Variants in N4BP1 observed in about 807,000 individuals in gnomAD.
N4BP1 encodes the protein NEDD4-binding protein 1.
N4BP1 carries 21 observed loss-of-function variants against 70.9 expected under a neutral mutation model. That is an observed-to-expected ratio of 0.30 (90% confidence interval 0.21 to 0.43). The LOEUF is 0.43. N4BP1 is among the 20% of genes least tolerant of loss of function. The pLI is 1.00. For synonymous variants in N4BP1, 387 were observed against 394.6 expected (o/e 0.98, Z 0.23); for missense variants, 936 against 1,069.4 (o/e 0.88, Z 1.74).
At position 48,553,557 on chromosome 16, in the gene N4BP1, G is replaced by T; in HGVS notation, c.2002C>A (p.Arg668Ser). 6.3e-7 allele frequency: 1 copy of T among 1,578,464 alleles called. No homozygotes were observed. Among genetic ancestry groups the T allele is most frequent in the Non-Finnish European group, 8.6e-7 (1 of 1,164,672 alleles). ...GCCTCACCTGTGACATTAGGATCAC[G>T]CCTTGTTCTCCACTGAGGGACAAAT... The part of the protein sequence containing the change: ...TVFVPQWRTR[R>S]DPNVTEQHFL... Residue 668 changes from arginine to serine, a missense_variant, in exon 3 of 7, where the codon CGT (arginine) becomes AGT (serine). Coordinates refer to ENST00000262384, the MANE Select transcript of N4BP1 (RefSeq NM_153029.4).
chr16:48,600,593 T>G (rs953143119), intron 1 of N4BP1: 1 of 560,234 alleles, frequency 1.8e-6, no homozygotes, highest in Admixed American at 2.0e-5. Flanking sequence ...AGGGAAGCAG[T>G]TGGAAGAGAA....
rs759102343 is a variant in N4BP1 at position 48,609,758 on chromosome 16, G to T, written c.198+17C>A. On this transcript the variant is annotated intron_variant, in intron 1 of 6. Transcript: ENST00000262384. ...CGATCGAGGCCGCGGGCGCGCGGGG[G>T]CGGCGGCCGGACTCACCTTGGCGCT... 5 of 1,335,940 alleles carry T rather than the reference G, an allele frequency of 3.7e-6. No homozygotes were observed. In the African/African-American group the frequency reaches 7.7e-5, roughly 21 times the overall value. The allele number at this position is 1,335,940 out of a possible 1,614,324, so 82.8% of individuals were successfully genotyped here.
At position 48,560,910 on chromosome 16, in the gene N4BP1, C is replaced by T. The variant is rs976808760; in HGVS notation, c.1733G>A (p.Arg578Lys). The change falls in exon 2 of 7, where the codon AGG (arginine) becomes AAG (lysine). Residue 578 changes from arginine (R) to lysine (K), a missense_variant. This residue lies in a region of N4BP1 where 515 missense variants were observed against 491.7 expected (regional missense o/e 1.05). Coordinates refer to ENST00000262384, the MANE Select transcript of N4BP1 (RefSeq NM_153029.4). ...PQLLPSVTDA[R>K]SAGPSDHIDS... Reference sequence around the variant, plus strand: ...AATATGATCAGAAGGTCCTGCCGACCTTGCATCAGTAACCGAAGGTAACAG... The same window carrying T: ...AATATGATCAGAAGGTCCTGCCGACTTTGCATCAGTAACCGAAGGTAACAG... 4 of 1,613,842 alleles carry T rather than the reference C, an allele frequency of 2.5e-6. No homozygotes were observed. The African/African-American group carries it at 5.3e-5, about 22-fold the overall frequency.
At chr16:48,574,361 C>G (rs1298387622) in intron 1 of N4BP1, among the ~76,000 whole-genome samples, 1 of 152,156 alleles carries the variant, frequency 6.6e-6, no homozygotes, top group African/African-American at 2.4e-5. Flanking sequence ...TAAGGAATGT[C>G]AGCAGTTATG....
chr16:48,600,603 A>C (rs1158428234), intron 1 of N4BP1: 1 of 556,522 alleles, frequency 1.8e-6, no homozygotes, highest in African/African-American at 1.9e-5. Context: ...TTGGAAGAGA[A>C]AACAGTACAG....
At chr16:48,571,593 T>C (rs1243065082) in intron 1 of N4BP1, among the ~76,000 whole-genome samples, 2 of 150,752 alleles carry the variant, frequency 1.3e-5, no homozygotes, top group Admixed American at 1.3e-4. Flanking sequence ...AAGATGAGAC[T>C]GAACCCACAG....
intron 1 of N4BP1, among the ~76,000 whole-genome samples, chr16:48,594,630 A>G (rs1964384768): frequency 6.6e-6 from 1 of 152,184 alleles, no homozygotes; most frequent in African/African-American, 2.4e-5. Flanking sequence ...TGCTGGGATT[A>G]TAGGTGTGAG....
At chr16:48,556,188 G>A (rs1225583938) in intron 2 of N4BP1, among the ~76,000 whole-genome samples, 1 of 152,094 alleles carries the variant, frequency 6.6e-6, no homozygotes, top group Non-Finnish European at 1.5e-5. Context: ...AAAATCTCAG[G>A]AATGGAATTA....
intron 1 of N4BP1, among the ~76,000 whole-genome samples, chr16:48,569,501 CCCT>C (rs1486541764): frequency 6.6e-6 from 1 of 152,172 alleles, no homozygotes; most frequent in African/African-American, 2.4e-5. Context: ...AAGTGATCCA[CCCT>C]CCTCAGCCTC....
At chr16:48,594,756 C>T (rs1964386137) in intron 1 of N4BP1, among the ~76,000 whole-genome samples, 1 of 152,176 alleles carries the variant, frequency 6.6e-6, no homozygotes, top group Admixed American at 6.5e-5. Flanking sequence ...GTATGTGTTA[C>T]AAAATTGTAT....
intron 1 of N4BP1, among the ~76,000 whole-genome samples, chr16:48,566,797 A>C (rs1378282328): frequency 6.6e-6 from 1 of 152,192 alleles, no homozygotes; most frequent in African/African-American, 2.4e-5. Context: ...TGTTGAGAGA[A>C]GGGTGTTGAA....
chr16:48,549,903 T>C (rs1963641755), intron 4 of N4BP1, among the ~76,000 whole-genome samples: 1 of 152,192 alleles, frequency 6.6e-6, no homozygotes, highest in African/African-American at 2.4e-5. Context: ...GGGTTGTTGT[T>C]AGTGCTATAA....
intron 2 of N4BP1, 153 bp downstream of exon 2, chr16:48,560,601 A>G (rs1328755227): frequency 1.7e-5 from 16 of 948,594 alleles, no homozygotes; most frequent in African/African-American, 5.0e-5. Flanking sequence ...AAACCTTTCC[A>G]ACCAGTTGGT....
intron 1 of N4BP1, among the ~76,000 whole-genome samples, chr16:48,581,248 T>TAA (rs57672449): frequency 3.9e-4 from 56 of 145,124 alleles, no homozygotes; most frequent in South Asian, 1.5e-3. Flanking sequence ...CTTTTCATGA[T>TAA]AAAAAAAAAA....
intron 1 of N4BP1, among the ~76,000 whole-genome samples, chr16:48,607,759 A>G (rs1395964427): frequency 6.6e-6 from 1 of 152,254 alleles, no homozygotes; most frequent in Non-Finnish European, 1.5e-5. Flanking sequence ...GAATGGACGA[A>G]GGGGAATGCG....
At chr16:48,564,392 A>C (rs957115243) in intron 1 of N4BP1, among the ~76,000 whole-genome samples, 2 of 152,204 alleles carry the variant, frequency 1.3e-5, no homozygotes, top group African/African-American at 4.8e-5. Context: ...GCCTATAGGT[A>C]TAATATTGCT....
rs1458595338 is a variant in N4BP1 at position 48,553,534 on chromosome 16, C to T, written c.2020+5G>A. The T allele has an allele frequency of 1.3e-6, 2 of 1,529,968 alleles. No individual in the cohort carries two copies. The highest frequency in any genetic ancestry group is 1.4e-5 in the African/African-American group (1 of 71,430). The allele number at this position is 1,529,968 out of a possible 1,614,324, so 94.8% of individuals were successfully genotyped here. ...TAGAAATCTGAAAAAATCAGTTTGCCTCACCTGTGACATTAGGATCACGCC... is the reference window on the plus strand; with the variant it reads ...TAGAAATCTGAAAAAATCAGTTTGCTTCACCTGTGACATTAGGATCACGCC... On this transcript the variant is annotated splice_donor_5th_base_variant and intron_variant, in intron 3 of 6. Transcript: ENST00000262384.
At chr16:48,607,115 A>T (rs1964594499) in intron 1 of N4BP1, among the ~76,000 whole-genome samples, 1 of 152,216 alleles carries the variant, frequency 6.6e-6, no homozygotes, top group African/African-American at 2.4e-5. Flanking sequence ...TTGACTTATG[A>T]GTAATACATA....
intron 1 of N4BP1, among the ~76,000 whole-genome samples, chr16:48,590,848 C>T (rs1964326435): frequency 1.3e-5 from 2 of 152,108 alleles, no homozygotes; most frequent in African/African-American, 2.4e-5. Flanking sequence ...CTTGGTTCGG[C>T]TCCTTTGGGG....
Sources: gnomAD v4.1 joint callset for allele counts (sites outside exome capture counted in the v4.1 genomes callset) on GRCh38, gnomAD v4.1.1 for gene constraint, gnomAD v4.1.1 regional missense constraint, MANE v1.5 for transcripts, NCBI Gene and HGNC (gene_info 2026-07-23, HGNC 2026-07-21) for gene names.